GRID1: variants seen among roughly 807,000 people sequenced by gnomAD.
GRID1 encodes glutamate ionotropic receptor delta type subunit 1.
In GRID1, 28 loss-of-function variants were observed where a neutral mutation model predicts 98.0. The ratio of observed to expected loss-of-function variants is 0.29; its 90% CI spans 0.21 to 0.39. The LOEUF is 0.39. Among genes scored for constraint, GRID1 ranks in the 10% least tolerant of loss-of-function variants. The pLI is 1.00. For synonymous variants in GRID1, 553 were observed against 538.5 expected, an observed-to-expected ratio of 1.03 and a Z score of -0.37; for missense variants, 1,111 against 1,340.5, an observed-to-expected ratio of 0.83 and a Z score of 2.67.
intron 5 of GRID1, among the ~76,000 whole-genome samples, chr10:85,890,021 T>G (rs1841173495): frequency 6.6e-6 from 1 of 152,088 alleles, no homozygotes; most frequent in Non-Finnish European, 1.5e-5. Flanking sequence ...ACCTCAAAGT[T>G]TATCATTTAT....
chr10:85,810,776 A>G (rs1239504974), intron 8 of GRID1, among the ~76,000 whole-genome samples: 1 of 152,080 alleles, frequency 6.6e-6, no homozygotes, highest in East Asian at 1.9e-4. Context: ...CTTAGTGGCT[A>G]TGCACCCATT....
At chr10:85,948,363 T>C (rs535196595) in intron 4 of GRID1, among the ~76,000 whole-genome samples, 1 of 152,212 alleles carries the variant, frequency 6.6e-6, no homozygotes, top group East Asian at 1.9e-4. Context: ...TGGTTGAGGA[T>C]GGAGTTGAGG....
chr10:85,825,557 A>G (rs1842811877), intron 8 of GRID1, among the ~76,000 whole-genome samples: 1 of 152,152 alleles, frequency 6.6e-6, no homozygotes, highest in African/African-American at 2.4e-5. Context: ...ATAGGCTAAT[A>G]CTGAAACTTT....
intron 8 of GRID1, among the ~76,000 whole-genome samples, chr10:85,774,803 A>G (rs1228811142): frequency 1.3e-5 from 2 of 150,174 alleles, no homozygotes; most frequent in African/African-American, 2.4e-5. Flanking sequence ...TTAGAATGGC[A>G]ATCATTAAAA....
intron 8 of GRID1, among the ~76,000 whole-genome samples, chr10:85,806,675 T>C (rs1842625807): frequency 6.6e-6 from 1 of 152,180 alleles, no homozygotes; most frequent in African/African-American, 2.4e-5. Flanking sequence ...AACATTAGGC[T>C]AATTAAAAGA....
intron 4 of GRID1, among the ~76,000 whole-genome samples, chr10:86,113,111 G>T (rs1264370638): frequency 6.6e-6 from 1 of 152,118 alleles, no homozygotes; most frequent in Non-Finnish European, 1.5e-5. Flanking sequence ...TATTTGTTCT[G>T]CTTTCATGCT....
intron 13 of GRID1, among the ~76,000 whole-genome samples, chr10:85,641,767 G>C (rs1478441839): frequency 6.6e-6 from 1 of 152,332 alleles, no homozygotes; most frequent in South Asian, 2.1e-4. Flanking sequence ...GGGAGGCCAG[G>C]CCAGACCAGC....
intron 8 of GRID1, among the ~76,000 whole-genome samples, chr10:85,760,082 A>T (rs746857843): frequency 5.3e-5 from 8 of 152,314 alleles, no homozygotes; most frequent in Non-Finnish European, 1.0e-4. Context: ...AATATATAAG[A>T]CAGCATTCTG....
intron 2 of GRID1, among the ~76,000 whole-genome samples, chr10:86,329,556 G>A: frequency 6.6e-6 from 1 of 152,160 alleles, no homozygotes. Flanking sequence ...CCCTCAGCTG[G>A]CAATGAGAGA....
At chr10:85,942,044 C>T (rs569175942) in intron 4 of GRID1, among the ~76,000 whole-genome samples, 4 of 152,280 alleles carry the variant, frequency 2.6e-5, no homozygotes, top group South Asian at 4.2e-4. Flanking sequence ...CCCTGCCCTC[C>T]GTCTTCAGGA....
In GRID1 at chr10:85,916,061, G is replaced by A. The variant is rs527906968; in HGVS notation, c.780+125C>T. The A allele has an allele frequency of 2.6e-6, 2 of 756,536 alleles. No homozygotes were observed. Among genetic ancestry groups the A allele is most frequent in the South Asian group, 1.6e-5 (1 of 63,896 alleles). 46.9% of individuals were successfully genotyped at this position (756,536 alleles called of 1,614,324 possible). A position where few individuals can be genotyped will look rare whatever the true frequency, so the allele number is the denominator to read the frequency against. ...ACTCTTTGAGTTTTTGCCTGGGCTA[G>A]GTGGAGCCCCAGGATTCACAACAGC... On this transcript the variant is annotated intron_variant, in intron 5 of 15. Transcript: ENST00000327946. The surrounding 1 kb of genome is among the most constrained non-coding windows in gnomAD (Gnocchi z 4.0).
At chr10:86,193,642 T>G (rs1247746028) in intron 3 of GRID1, among the ~76,000 whole-genome samples, 1 of 152,006 alleles carries the variant, frequency 6.6e-6, no homozygotes, top group East Asian at 1.9e-4. Flanking sequence ...TACTGCACCC[T>G]ATTCTCTGCA....
intron 2 of GRID1, among the ~76,000 whole-genome samples, chr10:86,240,300 T>A (rs1361904032): frequency 6.6e-6 from 1 of 152,072 alleles, no homozygotes; most frequent in East Asian, 1.9e-4. Context: ...GCCTCCACAC[T>A]TTCCACCCCC....
chr10:86,225,192 C>A (rs1045283938), intron 2 of GRID1, among the ~76,000 whole-genome samples: 1 of 152,132 alleles, frequency 6.6e-6, no homozygotes, highest in Non-Finnish European at 1.5e-5. Flanking sequence ...CCCTCCCAGG[C>A]CGGTGGGGAG....
chr10:85,828,788 A>G (rs1842842277), intron 8 of GRID1, among the ~76,000 whole-genome samples: 1 of 152,184 alleles, frequency 6.6e-6, no homozygotes, highest in African/African-American at 2.4e-5. Context: ...CAGACTAAAA[A>G]TTAGTTACAA....
At chr10:86,274,732 G>A (rs2925833) in intron 2 of GRID1, among the ~76,000 whole-genome samples, 5,993 of 151,706 alleles carry the variant, frequency 0.04, 231 homozygotes, top group Admixed American at 0.11. Context: ...TGGTGTATAA[G>A]AATGCTTGTG....
rs139085637 is a variant in GRID1 at position 85,657,578 on chromosome 10, C to G, written c.1998-10181G>C. 2.1e-3 allele frequency among the ~76,000 whole-genome samples: 314 copies of G among 152,330 alleles called. 1 individual carries two copies. The highest frequency in any genetic ancestry group is 6.9e-3 in the African/African-American group (286 of 41,572). Reference sequence around the variant, plus strand: ...TGGAAAAGTCTTCATCTTGGGTTGACTAGTCTCCCTTCAGGACAACTGTGA... The same window carrying G: ...TGGAAAAGTCTTCATCTTGGGTTGAGTAGTCTCCCTTCAGGACAACTGTGA... On this transcript the variant is annotated intron_variant, in intron 12 of 15. Transcript: ENST00000327946.
At chr10:85,628,143 T>A (rs1842933433) in intron 13 of GRID1, among the ~76,000 whole-genome samples, 1 of 151,970 alleles carries the variant, frequency 6.6e-6, no homozygotes, top group Admixed American at 6.6e-5. Flanking sequence ...GTGCATTCAA[T>A]AATACATGTT....
At position 85,602,626 on chromosome 10, in the gene GRID1, T is replaced by A. The variant is rs1310552081; in HGVS notation, c.2677A>T (p.Ile893Phe). Reference protein sequence around the residue: ...LMDEDIAHKQISPASIELSAL... With the variant: ...LMDEDIAHKQFSPASIELSAL... ...GAGAGCTCAATCGACGCTGGGGAAATCTGCTTGTGAGCAATGTCTTCATCC... is the reference window on the plus strand; with the variant it reads ...GAGAGCTCAATCGACGCTGGGGAAAACTGCTTGTGAGCAATGTCTTCATCC... Residue 893 changes from isoleucine (I) to phenylalanine (F), a missense_variant, in exon 16 of 16, where the codon ATT becomes TTT. Coordinates refer to ENST00000327946, the MANE Select transcript of GRID1 (RefSeq NM_017551.3). 2.5e-6 allele frequency: 4 copies of A among 1,613,896 alleles called. No individual in the cohort carries two copies. The highest frequency in any genetic ancestry group is 3.4e-6 in the Non-Finnish European group (4 of 1,179,932).
Sources: allele counts gnomAD v4.1 joint callset (sites outside exome capture counted in the v4.1 genomes callset), GRCh38; gene constraint gnomAD v4.1.1; non-coding constraint Gnocchi (gnomAD v3.1); transcripts MANE v1.5; gene names NCBI Gene and HGNC (gene_info 2026-07-23, HGNC 2026-07-21).